Variants in DSCAML1 observed in about 807,000 individuals in gnomAD.
DSCAML1 encodes cell adhesion molecule DSCAML1.
A neutral mutation model predicts 200.5 loss-of-function variants in DSCAML1; 38 were observed. The ratio of observed to expected loss-of-function variants is 0.19; its 90% CI spans 0.15 to 0.25. The LOEUF is 0.25. DSCAML1 is among the 10% of genes least tolerant of loss of function. The pLI is 1.00. For missense variants in DSCAML1, 2,223 were observed against 2,858.8 expected, an observed-to-expected ratio of 0.78 and a Z score of 5.07; for synonymous variants, 1,215 against 1,165.0, an observed-to-expected ratio of 1.04 and a Z score of -0.87.
chr11:117,433,146 T>C lies in DSCAML1; in HGVS notation c.5018A>G (p.Lys1673Arg), dbSNP rs2047837515. ...TGGCACCTGTCACTCACCCAGTTGC[T>C]TGATGCCTTCTTTGTCCTCGATGAG... ...QLLIEDKEGI[K>R]QLGDDKATIP... Residue 1673 changes from lysine (K) to arginine (R), a missense_variant, in exon 29 of 33, where the codon AAG (lysine) becomes AGG (arginine). Around this residue, in one of 7 missense-constraint regions of DSCAML1, gnomAD observed 614 missense variants for 739.1 expected, o/e 0.83. Transcript: ENST00000651296. The C allele has an allele frequency of 6.2e-7, 1 of 1,613,690 alleles. No homozygotes were observed. Among genetic ancestry groups the C allele is most frequent in the Admixed American group, 1.7e-5 (1 of 59,980 alleles).
intron 8 of DSCAML1, among the ~76,000 whole-genome samples, chr11:117,506,547 C>CTTTTTTTTT (rs5795089): frequency 1.0e-5 from 1 of 96,858 alleles, no homozygotes. Context: ...CAAGAGATAA[C>CTTTTTTTTT]TTTTTTTTTT....
chr11:117,606,545 T>A (rs764867988), intron 3 of DSCAML1, among the ~76,000 whole-genome samples: 1 of 152,224 alleles, frequency 6.6e-6, no homozygotes, highest in Non-Finnish European at 1.5e-5. Context: ...GTATTTGAGG[T>A]AGTTATAAAA....
intron 4 of DSCAML1, among the ~76,000 whole-genome samples, chr11:117,526,743 C>T (rs2049985054): frequency 6.6e-6 from 1 of 152,096 alleles, no homozygotes; most frequent in Admixed American, 6.5e-5. Context: ...GTCTTGAACT[C>T]CTGACCTTGT....
intron 3 of DSCAML1, among the ~76,000 whole-genome samples, chr11:117,660,273 C>T (rs1466770860): frequency 2.0e-5 from 3 of 152,224 alleles, no homozygotes; most frequent in African/African-American, 4.8e-5. Flanking sequence ...TTCCCAGTTC[C>T]TCCCTTTTGG....
intron 3 of DSCAML1, among the ~76,000 whole-genome samples, chr11:117,661,522 G>A (rs2052852214): frequency 6.6e-6 from 1 of 152,198 alleles, no homozygotes; most frequent in Non-Finnish European, 1.5e-5. Context: ...AACTAGAGGG[G>A]AAGGATACAA....
chr11:117,495,281 C>T (rs2049268967), intron 11 of DSCAML1, among the ~76,000 whole-genome samples: 1 of 152,206 alleles, frequency 6.6e-6, no homozygotes, highest in Non-Finnish European at 1.5e-5. Flanking sequence ...GCCCATCTTG[C>T]CCCTGATATC....
At chr11:117,724,999 C>G (rs2054100204) in intron 3 of DSCAML1, among the ~76,000 whole-genome samples, 1 of 152,154 alleles carries the variant, frequency 6.6e-6, no homozygotes, top group Admixed American at 6.5e-5. Context: ...CTCTGGACAC[C>G]CCCAAAGGCT....
chr11:117,802,780 C>T (rs1390393145), intron 1 of DSCAML1, among the ~76,000 whole-genome samples: 5 of 152,136 alleles, frequency 3.3e-5, no homozygotes, highest in Non-Finnish European at 5.9e-5. Flanking sequence ...TTTATGTTTT[C>T]GTCCATTTCT....
At chr11:117,761,253 C>T (rs1168669321) in intron 3 of DSCAML1, among the ~76,000 whole-genome samples, 1 of 151,934 alleles carries the variant, frequency 6.6e-6, no homozygotes, top group Non-Finnish European at 1.5e-5. Context: ...ACTCACCTTC[C>T]AGATGAGGCC....
chr11:117,499,308 G>T (rs1450277475), intron 11 of DSCAML1, among the ~76,000 whole-genome samples: 2 of 152,044 alleles, frequency 1.3e-5, no homozygotes, highest in Admixed American at 6.5e-5. Context: ...TCTGGGAGGT[G>T]GTCTGGTGTC....
At chr11:117,557,241 C>CTT (rs1348488302) in intron 3 of DSCAML1, among the ~76,000 whole-genome samples, 1 of 152,150 alleles carries the variant, frequency 6.6e-6, no homozygotes, top group Admixed American at 6.5e-5. Flanking sequence ...GAGGCTCTGA[C>CTT]TTAGAGAAAG....
chr11:117,744,638 C>T (rs1001107857), intron 3 of DSCAML1, among the ~76,000 whole-genome samples: 1 of 152,254 alleles, frequency 6.6e-6, no homozygotes, highest in Non-Finnish European at 1.5e-5. Flanking sequence ...CCACTGGCCA[C>T]CCCAGTAGCC....
chr11:117,647,939 G>A lies in DSCAML1; in HGVS notation c.512-115417C>T, dbSNP rs552825122. ...CCTTGTGGCCATGTCACGTCCCGCCGGCACGATGGGGCTTCTGGTCCATCA... is the reference window on the plus strand; with the variant it reads ...CCTTGTGGCCATGTCACGTCCCGCCAGCACGATGGGGCTTCTGGTCCATCA... On this transcript the variant is annotated intron_variant, in intron 3 of 32. Coordinates refer to ENST00000651296, the MANE Select transcript of DSCAML1 (RefSeq NM_020693.4). 5.9e-5 allele frequency among the ~76,000 whole-genome samples: 9 copies of A among 152,242 alleles called. No individual in the cohort carries two copies. In the East Asian group the frequency reaches 9.7e-4, roughly 16 times the overall value.
chr11:117,686,407 G>A (rs1298967423), intron 3 of DSCAML1, among the ~76,000 whole-genome samples: 1 of 152,240 alleles, frequency 6.6e-6, no homozygotes, highest in African/African-American at 2.4e-5. Context: ...GCCTCAGAAA[G>A]AAGCAGGCAC....
rs193260310 is a variant in DSCAML1 at position 117,721,766 on chromosome 11, A to G, written c.511+55025T>C. On this transcript the variant is annotated intron_variant, in intron 3 of 32. Coordinates refer to ENST00000651296, the MANE Select transcript of DSCAML1 (RefSeq NM_020693.4). The stretch of plus-strand genomic sequence containing the variant: ...TATCATATATAAATACATCATATAG[A>G]AAATATATAAATATATGATATATAT... Among the ~76,000 whole-genome samples, 35 of 147,832 alleles carry G rather than the reference A, an allele frequency of 2.4e-4. No homozygotes were observed. The East Asian group carries it at 4.5e-3, about 19-fold the overall frequency.
chr11:117,490,465 G>A (rs550336016), intron 11 of DSCAML1, among the ~76,000 whole-genome samples: 10 of 152,236 alleles, frequency 6.6e-5, no homozygotes, highest in East Asian at 3.9e-4. Flanking sequence ...ACCCTGCCAC[G>A]GGGATTGCAA....
chr11:117,664,862 G>GAACAA (rs1172147651), intron 3 of DSCAML1, among the ~76,000 whole-genome samples: 1 of 152,196 alleles, frequency 6.6e-6, no homozygotes, highest in Non-Finnish European at 1.5e-5. Context: ...TGCCTTAGCT[G>GAACAA]AACAAGCAGC....
chr11:117,798,270 G>A (rs1253431179), upstream of DSCAML1, among the ~76,000 whole-genome samples: 6 of 152,204 alleles, frequency 3.9e-5, no homozygotes, highest in Admixed American at 3.3e-4. Context: ...TGTGGAGTGC[G>A]AAGTTTGGAG....
At chr11:117,718,368 G>T (rs190558538) in intron 3 of DSCAML1, among the ~76,000 whole-genome samples, 2 of 152,224 alleles carry the variant, frequency 1.3e-5, no homozygotes, top group African/African-American at 4.8e-5. Flanking sequence ...AGTTGGGGGT[G>T]AAAGGGGTTA....
Sources: gnomAD v4.1 joint callset for allele counts (sites outside exome capture counted in the v4.1 genomes callset) on GRCh38, gnomAD v4.1.1 for gene constraint, gnomAD v4.1.1 regional missense constraint, MANE v1.5 for transcripts, NCBI Gene and HGNC (gene_info 2026-07-23, HGNC 2026-07-21) for gene names.